The following ZBTB20 variants were observed in gnomAD, a reference collection of about 807,000 sequenced individuals.
ZBTB20 encodes zinc finger and BTB domain containing 20, also known as zinc finger and BTB domain-containing protein 20.
In ZBTB20, 9 loss-of-function variants were observed where a neutral mutation model predicts 56.9. The observed-to-expected ratio is 0.16, with a 90% CI of 0.10 to 0.28. The LOEUF is 0.28. Among genes scored for constraint, ZBTB20 ranks in the 10% least tolerant of loss-of-function variants. The pLI is 1.00. For missense variants in ZBTB20, 655 were observed against 1,003.0 expected (o/e 0.65, Z 4.69); for synonymous variants, 417 against 420.7 (o/e 0.99, Z 0.11).
At chr3:114,936,579 A>C (rs761226901) in intron 3 of ZBTB20, among the ~76,000 whole-genome samples, 4 of 152,234 alleles carry the variant, frequency 2.6e-5, no homozygotes, top group Non-Finnish European at 4.4e-5. Flanking sequence ...AAAGTTTTTT[A>C]ATGAATGGAT....
chr3:114,491,287 CA>C (rs1487843146), intron 7 of ZBTB20, among the ~76,000 whole-genome samples: 1 of 152,228 alleles, frequency 6.6e-6, no homozygotes, highest in East Asian at 1.9e-4. Flanking sequence ...CATGACAGAG[CA>C]GATAGGTATC....
At chr3:114,488,858 T>A (rs1042227402) in intron 7 of ZBTB20, among the ~76,000 whole-genome samples, 19 of 152,186 alleles carry the variant, frequency 1.2e-4, no homozygotes, top group African/African-American at 4.1e-4. Context: ...ATTATGCATA[T>A]ACTGAAGTGC....
chr3:114,921,393 G>A (rs1031987817), intron 3 of ZBTB20, among the ~76,000 whole-genome samples: 4 of 152,088 alleles, frequency 2.6e-5, no homozygotes, highest in African/African-American at 9.7e-5. Context: ...AAATTGCTGG[G>A]ATTACAGGTG....
chr3:114,445,088 T>C (rs1253086768), intron 7 of ZBTB20, among the ~76,000 whole-genome samples: 1 of 152,178 alleles, frequency 6.6e-6, no homozygotes, highest in Non-Finnish European at 1.5e-5. Flanking sequence ...AAAGCAGAGC[T>C]TTTAAACTTC....
intron 5 of ZBTB20, among the ~76,000 whole-genome samples, chr3:114,790,961 C>A (rs887811701): frequency 6.6e-6 from 1 of 152,036 alleles, no homozygotes; most frequent in Non-Finnish European, 1.5e-5. Context: ...AAATTTCCAA[C>A]CACTAAGAAC....
chr3:114,844,175 C>T (rs2074532374), intron 4 of ZBTB20, among the ~76,000 whole-genome samples: 1 of 150,930 alleles, frequency 6.6e-6, no homozygotes, highest in South Asian at 2.1e-4. Context: ...AAATGGATCT[C>T]AAAGTCAATA....
chr3:114,588,896 T>C (rs933273534), intron 6 of ZBTB20, among the ~76,000 whole-genome samples: 10 of 152,314 alleles, frequency 6.6e-5, no homozygotes, highest in Non-Finnish European at 1.2e-4. Flanking sequence ...CAGTTTCGCA[T>C]GGCTGGGGAA....
intron 7 of ZBTB20, chr3:114,445,793 T>C (rs139800805): frequency 1.5e-3 from 227 of 152,270 alleles, no homozygotes; most frequent in African/African-American, 5.2e-3. Context: ...ATTAAAGCAA[T>C]AAGTATAAAA....
At chr3:114,655,242 C>CTTTTTTTTTTTTTTT (rs3085998) in intron 6 of ZBTB20, among the ~76,000 whole-genome samples, 2 of 91,650 alleles carry the variant, frequency 2.2e-5, no homozygotes, top group Non-Finnish European at 4.0e-5. Flanking sequence ...TTTTCCTTTC[C>CTTTTTTTTTTTTTTT]TTTTTTTTTT....
chr3:114,760,729 G>A (rs1478117555), intron 5 of ZBTB20, among the ~76,000 whole-genome samples: 1 of 152,156 alleles, frequency 6.6e-6, no homozygotes, highest in East Asian at 1.9e-4. Context: ...CTCACTTTGT[G>A]TGTTTCAGTT....
chr3:114,725,179 T>G (rs756386391), intron 5 of ZBTB20, among the ~76,000 whole-genome samples: 27 of 152,252 alleles, frequency 1.8e-4, no homozygotes, highest in Non-Finnish European at 3.5e-4. Flanking sequence ...CAGAATTCAG[T>G]TAGATGAGTT....
At chr3:114,978,781 C>A (rs2078211506) in intron 2 of ZBTB20, among the ~76,000 whole-genome samples, 1 of 151,454 alleles carries the variant, frequency 6.6e-6, no homozygotes, top group Admixed American at 6.6e-5. Flanking sequence ...CAGTTTTTTT[C>A]TTCTTAGAAT....
intron 6 of ZBTB20, among the ~76,000 whole-genome samples, chr3:114,664,443 A>AG (rs2060930657): frequency 6.6e-6 from 1 of 152,154 alleles, no homozygotes; most frequent in Non-Finnish European, 1.5e-5. Flanking sequence ...GTAGTACTGT[A>AG]TCAACCTGTC....
At chr3:114,455,060 G>T (rs892580709) in intron 7 of ZBTB20, among the ~76,000 whole-genome samples, 47 of 137,824 alleles carry the variant, frequency 3.4e-4, no homozygotes, top group Admixed American at 3.1e-3. Flanking sequence ...GAGAGGGGGG[G>T]GAGAGAGAGA....
chr3:114,490,571 T>C (rs552707569), intron 7 of ZBTB20, among the ~76,000 whole-genome samples: 1 of 152,006 alleles, frequency 6.6e-6, no homozygotes, highest in Admixed American at 6.6e-5. Context: ...CCTTGTTCCC[T>C]CTCTCACCTG....
intron 4 of ZBTB20, among the ~76,000 whole-genome samples, chr3:114,852,029 T>A (rs1348928426): frequency 6.6e-6 from 1 of 152,060 alleles, no homozygotes; most frequent in Non-Finnish European, 1.5e-5. Flanking sequence ...GTTTTTTAAA[T>A]TTTTATTTGC....
intron 5 of ZBTB20, among the ~76,000 whole-genome samples, chr3:114,703,020 G>A (rs191039724): frequency 1.5e-3 from 223 of 152,098 alleles, no homozygotes; most frequent in Non-Finnish European, 1.4e-3. Flanking sequence ...GTGTTAGAGA[G>A]AGTGTGTGTG....
At chr3:114,434,114 T>C (rs1204071579) in intron 7 of ZBTB20, among the ~76,000 whole-genome samples, 1 of 152,190 alleles carries the variant, frequency 6.6e-6, no homozygotes, top group East Asian at 1.9e-4. Flanking sequence ...CTGCTAGAAG[T>C]TGGCATTATA....
intron 6 of ZBTB20, among the ~76,000 whole-genome samples, chr3:114,552,665 G>T (rs2050720827): frequency 6.6e-6 from 1 of 152,164 alleles, no homozygotes; most frequent in African/African-American, 2.4e-5. Context: ...CCACAAAAAA[G>T]TCTTTGCTGC....
Sources: gnomAD v4.1 joint callset for allele counts (sites outside exome capture counted in the v4.1 genomes callset) on GRCh38, gnomAD v4.1.1 for gene constraint, MANE v1.5 for transcripts, NCBI Gene and HGNC (gene_info 2026-07-23, HGNC 2026-07-21) for gene names.